Variants in CEP128 observed in about 807,000 individuals in gnomAD.
CEP128 encodes centrosomal protein 128.
A neutral mutation model predicts 156.7 loss-of-function variants in CEP128; 132 were observed. The ratio of observed to expected loss-of-function variants is 0.84; its 90% CI spans 0.73 to 0.97. The LOEUF (loss-of-function observed/expected upper bound fraction) is 0.97. CEP128 is among the 50% of genes least tolerant of loss of function. The pLI is 0.00. For synonymous variants in CEP128, 469 were observed against 448.9 expected (o/e 1.04, Z -0.57); for missense variants, 1,252 against 1,281.9 (o/e 0.98, Z 0.36).
chr14:80,894,589 C>T (rs759106175), intron 8 of CEP128: 1 of 470,238 alleles, frequency 2.1e-6, no homozygotes, highest in East Asian at 5.9e-5. Flanking sequence ...TTAGATACCA[C>T]ATTGCCACAC....
At chr14:80,856,335 C>T (rs1887154578) in intron 9 of CEP128, among the ~76,000 whole-genome samples, 1 of 152,104 alleles carries the variant, frequency 6.6e-6, no homozygotes, top group Admixed American at 6.5e-5. Context: ...AAACTACTGA[C>T]TTAATATGCT....
At chr14:80,696,312 A>G (rs1440948540) in intron 19 of CEP128, among the ~76,000 whole-genome samples, 2 of 152,222 alleles carry the variant, frequency 1.3e-5, no homozygotes, top group Non-Finnish European at 1.5e-5. Flanking sequence ...AGGATATCCA[A>G]GCAAACATAT....
chr14:80,515,903 T>C lies in CEP128; in HGVS notation c.3073-10883A>G, dbSNP rs560420452. Among the ~76,000 whole-genome samples, 142 of 152,246 alleles carry C rather than the reference T, an allele frequency of 9.3e-4. 1 individual carries two copies. The highest frequency in any genetic ancestry group is 3.3e-3 in the African/African-American group (136 of 41,544). On this transcript the variant is annotated intron_variant, in intron 23 of 24. Transcript: ENST00000555265. ...TTCTTTCTGAGATGGAGTTTCGCTT[T>C]TGTTGCCCAAGCTGGAGTGCAATGG... is the stretch of plus-strand genomic sequence containing the variant.
intron 21 of CEP128, among the ~76,000 whole-genome samples, chr14:80,544,482 C>T (rs1249001921): frequency 6.6e-6 from 1 of 152,118 alleles, no homozygotes; most frequent in Non-Finnish European, 1.5e-5. Context: ...GAGATCATCT[C>T]TCTAGTATCT....
chr14:80,511,180 T>C (rs766337090), intron 23 of CEP128, among the ~76,000 whole-genome samples: 10 of 151,786 alleles, frequency 6.6e-5, no homozygotes, highest in Non-Finnish European at 1.3e-4. Flanking sequence ...TTGAGTAAGA[T>C]TGGTATTAGT....
chr14:80,508,118 G>A (rs981574797), intron 23 of CEP128, among the ~76,000 whole-genome samples: 14 of 151,986 alleles, frequency 9.2e-5, no homozygotes, highest in South Asian at 2.1e-4. Context: ...GTTTCGCCAC[G>A]TTGACCAGGC....
intron 21 of CEP128, among the ~76,000 whole-genome samples, chr14:80,538,407 T>C (rs1240227776): frequency 6.6e-6 from 1 of 152,224 alleles, no homozygotes; most frequent in African/African-American, 2.4e-5. Flanking sequence ...GTGCCTTCCA[T>C]GGAGAATGTT....
chr14:80,807,490 A>G (rs327432), intron 13 of CEP128, among the ~76,000 whole-genome samples: 6,696 of 152,256 alleles, frequency 0.044, 489 homozygotes, highest in African/African-American at 0.15. Flanking sequence ...AGTCTCAGGA[A>G]ACACCAGGGG....
chr14:80,618,934 A>T (rs1275127834), intron 19 of CEP128, among the ~76,000 whole-genome samples: 2 of 152,218 alleles, frequency 1.3e-5, no homozygotes, highest in African/African-American at 4.8e-5. Context: ...GTGTTGCGCT[A>T]GCTAAAGGCT....
intron 1 of CEP128, among the ~76,000 whole-genome samples, chr14:80,939,877 A>T (rs1886049713): frequency 6.6e-6 from 1 of 152,232 alleles, no homozygotes; most frequent in Non-Finnish European, 1.5e-5. Flanking sequence ...CAGGTAATAC[A>T]GTTAACATGT....
In CEP128 at chr14:80,785,222, A is replaced by G. The variant is rs563424674; in HGVS notation, c.1884T>C (p.Ala628=). 5.4e-4 allele frequency: 877 copies of G among 1,614,176 alleles called. 7 individuals are homozygous for G. In the South Asian group the frequency reaches 9.1e-3, roughly 17 times the overall value. Residue 628 remains alanine (A), a synonymous_variant, in exon 15 of 25, where the codon GCT becomes GCC. Coordinates refer to ENST00000555265, the MANE Select transcript of CEP128 (RefSeq NM_152446.5). ...ELKKSQAQDK[A]KLLEMQESIK... is the part of the protein sequence containing the mutation. Reference sequence around the variant, plus strand: ...TGGACTCTTGCATCTCAAGAAGTTTAGCTTTGTCCTGGGCCTGGCTCTTCT... The same window carrying G: ...TGGACTCTTGCATCTCAAGAAGTTTGGCTTTGTCCTGGGCCTGGCTCTTCT...
chr14:80,747,775 C>G (rs1251483954), intron 18 of CEP128, among the ~76,000 whole-genome samples: 1 of 152,126 alleles, frequency 6.6e-6, no homozygotes, highest in Admixed American at 6.5e-5. Context: ...CCATTGCGCT[C>G]CAGCCTAGGC....
chr14:80,842,758 C>T (rs1886404291), intron 9 of CEP128, among the ~76,000 whole-genome samples: 1 of 151,798 alleles, frequency 6.6e-6, no homozygotes, highest in African/African-American at 2.4e-5. Flanking sequence ...AAATCACATG[C>T]CAATGAATTT....
chr14:80,797,343 T>C (rs936513230), intron 13 of CEP128, among the ~76,000 whole-genome samples: 1 of 152,194 alleles, frequency 6.6e-6, no homozygotes, highest in African/African-American at 2.4e-5. Flanking sequence ...ATCATGTCAT[T>C]GATTGGGTAT....
intron 20 of CEP128, among the ~76,000 whole-genome samples, chr14:80,575,515 G>C (rs939974928): frequency 6.6e-5 from 10 of 152,130 alleles, no homozygotes; most frequent in African/African-American, 2.4e-4. Flanking sequence ...CAGGGGGGAA[G>C]GTAAGAGAAA....
intron 13 of CEP128, chr14:80,830,292 A>G: frequency 1.7e-6 from 1 of 577,408 alleles, no homozygotes; most frequent in African/African-American, 1.9e-5. Flanking sequence ...TGCTGACAAG[A>G]TGAAAGAGAA....
chr14:80,586,635 G>A (rs368973219), intron 19 of CEP128, among the ~76,000 whole-genome samples: 2 of 152,160 alleles, frequency 1.3e-5, no homozygotes, highest in African/African-American at 4.8e-5. Flanking sequence ...GACAATCTGT[G>A]GGAAGACCCA....
At position 80,848,226 on chromosome 14, in the gene CEP128, G is replaced by A. The variant is rs189233199; in HGVS notation, c.763-7458C>T. The stretch of plus-strand genomic sequence containing the variant: ...AGTTCTGAACATGAGCGCACAAACC[G>A]TACAACTGTTTCAGAGCTGAAAATT... On this transcript the variant is annotated intron_variant, in intron 9 of 24. Coordinates refer to ENST00000555265, the MANE Select transcript of CEP128 (RefSeq NM_152446.5). Among the ~76,000 whole-genome samples the A allele has an allele frequency of 1.0e-3, 156 of 152,302 alleles. 1 individual carries two copies. Among genetic ancestry groups the A allele is most frequent in the Admixed American group, 7.7e-3 (117 of 15,292 alleles).
At chr14:80,580,106 C>A (rs1013018695) in intron 20 of CEP128, among the ~76,000 whole-genome samples, 1 of 152,102 alleles carries the variant, frequency 6.6e-6, no homozygotes, top group Non-Finnish European at 1.5e-5. Flanking sequence ...AAGGATACTG[C>A]CTTCATTTCC....
Sources: allele counts gnomAD v4.1 joint callset (sites outside exome capture counted in the v4.1 genomes callset), GRCh38; gene constraint gnomAD v4.1.1; transcripts MANE v1.5; gene names NCBI Gene and HGNC (gene_info 2026-07-23, HGNC 2026-07-21).